The following ANKRD17 variants were observed in gnomAD, a reference collection of about 807,000 sequenced individuals.
ANKRD17 encodes the protein ankyrin repeat domain 17.
A neutral mutation model predicts 229.7 loss-of-function variants in ANKRD17; 19 were observed. That is an observed-to-expected ratio of 0.08 (90% CI 0.06 to 0.12). The LOEUF (loss-of-function observed/expected upper bound fraction) is 0.12. Ranked by LOEUF, ANKRD17 falls within the 10% of genes least tolerant of loss-of-function variation. ANKRD17 has a pLI of 1.00. For synonymous variants in ANKRD17, 1,112 were observed against 1,146.1 expected (o/e 0.97, Z 0.60); for missense variants, 2,176 against 3,176.8 (o/e 0.68, Z 7.57).
At position 73,258,726 on chromosome 4, in the gene ANKRD17, C is replaced by T; in HGVS notation, c.-58G>A. On this transcript the variant is annotated 5_prime_UTR_variant, in exon 1 of 34. Coordinates refer to ENST00000358602, the MANE Select transcript of ANKRD17 (RefSeq NM_032217.5). Reference sequence around the variant, plus strand: ...AGGGGCGTGGGGCTACGCTCTACCGCGACTTCGGCCGCACTGGGGCCGACA... The same window carrying T: ...AGGGGCGTGGGGCTACGCTCTACCGTGACTTCGGCCGCACTGGGGCCGACA... The T allele has an allele frequency of 7.2e-7, 1 of 1,384,188 alleles. No homozygotes were observed. The highest frequency in any genetic ancestry group is 9.3e-7 in the Non-Finnish European group (1 of 1,078,798). The allele number at this position is 1,384,188 out of a possible 1,614,324, so 85.7% of individuals were successfully genotyped here.
chr4:73,200,889 T>C (rs1738576100), intron 1 of ANKRD17, among the ~76,000 whole-genome samples: 1 of 147,714 alleles, frequency 6.8e-6, no homozygotes, highest in African/African-American at 2.5e-5. Context: ...CAATCACCAC[T>C]ATGTTCACTC....
At chr4:73,097,082 A>G (rs776880784) in intron 27 of ANKRD17, 35 bp downstream of exon 27, 11 of 1,595,680 alleles carry the variant, frequency 6.9e-6, no homozygotes, top group South Asian at 4.6e-5. Context: ...TGTGATATAT[A>G]GCACATAAAA....
intron 1 of ANKRD17, among the ~76,000 whole-genome samples, chr4:73,203,705 G>T (rs1339305279): frequency 7.3e-6 from 1 of 137,446 alleles, no homozygotes. Flanking sequence ...CTTGCAGTGA[G>T]TCGAGATCAC....
intron 1 of ANKRD17, among the ~76,000 whole-genome samples, chr4:73,218,527 C>T (rs1043413395): frequency 2.0e-5 from 3 of 151,696 alleles, no homozygotes; most frequent in Admixed American, 1.3e-4. Context: ...CCTGTAATCC[C>T]AGCTACTCCA....
rs541684289 is a variant in ANKRD17, at chr4:73,158,494, C to T, written c.705-2328G>A. ...GCTCCTCTCTCAGACATGGCTCACT[C>T]CCTTCCCTATTTCAGGTCTTTCCTA... On this transcript the variant is annotated intron_variant, in intron 3 of 33. Coordinates refer to ENST00000358602, the MANE Select transcript of ANKRD17 (RefSeq NM_032217.5). 5.9e-5 allele frequency among the ~76,000 whole-genome samples: 9 copies of T among 152,324 alleles called. No homozygotes were observed. The South Asian group carries it at 1.7e-3, about 28-fold the overall frequency.
chr4:73,085,388 T>C lies in ANKRD17; in HGVS notation c.7020A>G (p.Gly2340=), dbSNP rs747499316. The part of the protein sequence containing the change: ...GSVTPSSTHL[G]NFASNISGGQ... Reference sequence around the variant, plus strand: ...CTCCTGAAATGTTTGAAGCAAAGTTTCCCAAATGTGTTGAAGAAGGTGTTA... The same window carrying C: ...CTCCTGAAATGTTTGAAGCAAAGTTCCCCAAATGTGTTGAAGAAGGTGTTA... Residue 2340 remains glycine (G), a synonymous_variant, in exon 30 of 34, where the codon GGA becomes GGG. Transcript: ENST00000358602. The C allele has an allele frequency of 1.2e-6, 2 of 1,613,984 alleles. No individual in the cohort carries two copies. Among genetic ancestry groups the C allele is most frequent in the African/African-American group, 2.7e-5 (2 of 74,908 alleles).
intron 30 of ANKRD17, among the ~76,000 whole-genome samples, chr4:73,081,624 G>A (rs573563656): frequency 7.2e-5 from 11 of 152,256 alleles, no homozygotes; most frequent in Non-Finnish European, 1.5e-4. Context: ...AGAGGATGGG[G>A]CAGATCTAGG....
intron 1 of ANKRD17, among the ~76,000 whole-genome samples, chr4:73,188,391 C>T (rs2149048984): frequency 6.6e-6 from 1 of 151,952 alleles, no homozygotes; most frequent in East Asian, 1.9e-4. Flanking sequence ...TCGAGACCAG[C>T]CTGGCCAATA....
chr4:73,190,959 T>C lies in ANKRD17; in HGVS notation c.394-13426A>G, dbSNP rs145395453. On this transcript the variant is annotated intron_variant, in intron 1 of 33. Coordinates refer to ENST00000358602, the MANE Select transcript of ANKRD17 (RefSeq NM_032217.5). ...CATACCATGTTCCTGGATGGGAAGA[T>C]TCAATAGTGTAAAGATGTCAATTTT... is the stretch of plus-strand genomic sequence containing the variant. 8.9e-4 allele frequency among the ~76,000 whole-genome samples: 136 copies of C among 152,098 alleles called. 1 individual carries two copies. Among genetic ancestry groups the C allele is most frequent in the Admixed American group, 3.1e-3 (47 of 15,278 alleles).
intron 22 of ANKRD17, among the ~76,000 whole-genome samples, chr4:73,118,059 C>T (rs1172539612): frequency 3.9e-5 from 6 of 151,954 alleles, no homozygotes; most frequent in Non-Finnish European, 5.9e-5. Flanking sequence ...TCTTGTCACC[C>T]GGGCTGGAGT....
chr4:73,254,108 G>C (rs1745251991), intron 1 of ANKRD17, among the ~76,000 whole-genome samples: 1 of 152,054 alleles, frequency 6.6e-6, no homozygotes, highest in African/African-American at 2.4e-5. Flanking sequence ...GGCTAATCTA[G>C]GATTCTAAGC....
intron 1 of ANKRD17, among the ~76,000 whole-genome samples, chr4:73,209,892 C>G (rs942488331): frequency 1.3e-5 from 2 of 152,020 alleles, no homozygotes; most frequent in African/African-American, 2.4e-5. Context: ...AATTCAATAC[C>G]CTTTGATGAT....
At chr4:73,164,604 A>G (rs1350036723) in intron 2 of ANKRD17, among the ~76,000 whole-genome samples, 2 of 152,162 alleles carry the variant, frequency 1.3e-5, no homozygotes, top group Non-Finnish European at 2.9e-5. Context: ...CAGCCTGGGC[A>G]ACATGGTGAA....
rs1474270924 is a variant in ANKRD17, at chr4:73,142,180, T to TA, written c.2229+61dup. On this transcript the variant is annotated intron_variant, in intron 13 of 33. Coordinates refer to ENST00000358602, the MANE Select transcript of ANKRD17 (RefSeq NM_032217.5). Reference sequence around the variant, plus strand: ...AAAACCCTAATTTAAACAGAAACTGTAAGTGAAAGAATTAGGATAAAGAAG... The same window carrying TA: ...AAAACCCTAATTTAAACAGAAACTGTAAAGTGAAAGAATTAGGATAAAGAAG... 4 of 1,457,098 alleles carry TA rather than the reference T, an allele frequency of 2.7e-6. No individual in the cohort carries two copies. The African/African-American group carries it at 5.9e-5, about 21-fold the overall frequency. The allele number at this position is 1,457,098 out of a possible 1,614,324, so 90.3% of individuals were successfully genotyped here.
At chr4:73,162,625 A>C (rs1408417248) in intron 2 of ANKRD17, among the ~76,000 whole-genome samples, 1 of 152,136 alleles carries the variant, frequency 6.6e-6, no homozygotes, top group South Asian at 2.1e-4. Flanking sequence ...TATCACATAT[A>C]CTTAAAATCA....
chr4:73,173,563 A>C (rs1287984726), intron 2 of ANKRD17, among the ~76,000 whole-genome samples: 2 of 152,212 alleles, frequency 1.3e-5, no homozygotes, highest in Non-Finnish European at 2.9e-5. Flanking sequence ...AAACCAAAAT[A>C]ATTCACAGAT....
intron 25 of ANKRD17, 97 bp from the exon 26 acceptor site, chr4:73,098,617 C>T (rs577972652): frequency 1.8e-6 from 2 of 1,119,112 alleles, no homozygotes; most frequent in African/African-American, 3.2e-5. Flanking sequence ...AGGAGAGATA[C>T]TCTACTACTA....
At position 73,121,031 on chromosome 4, in the gene ANKRD17, A is replaced by G. The variant is rs77762664; in HGVS notation, c.3699T>C (p.Ala1233=). ...MLAAMNGHTA[A]VKLLLDMGSD... ...AGCCCATGTCTAACAGGAGCTTAAC[A>G]GCAGCTGTATGCCCATTCATAGCTG... The change falls in exon 20 of 34, where the codon GCT becomes GCC. Residue 1233 remains alanine (A), a synonymous_variant. Transcript: ENST00000358602. 1.4e-4 allele frequency: 233 copies of G among 1,613,976 alleles called. No individual in the cohort carries two copies. Among genetic ancestry groups the G allele is most frequent in the Non-Finnish European group, 1.8e-4 (215 of 1,179,910 alleles).
intron 1 of ANKRD17, among the ~76,000 whole-genome samples, chr4:73,238,748 T>C (rs1323573530): frequency 6.6e-6 from 1 of 152,108 alleles, no homozygotes; most frequent in Non-Finnish European, 1.5e-5. Flanking sequence ...CAAAACATAT[T>C]TCTTGAGCAA....
Sources: allele counts gnomAD v4.1 joint callset (sites outside exome capture counted in the v4.1 genomes callset), GRCh38; gene constraint gnomAD v4.1.1; transcripts MANE v1.5; gene names NCBI Gene and HGNC (gene_info 2026-07-23, HGNC 2026-07-21).